Variants in TPO observed in about 807,000 individuals in gnomAD.
TPO encodes the protein thyroid peroxidase, also known as thyroid microsomal antigen.
Under a neutral mutation model 96.9 loss-of-function variants are expected in TPO, and 78 were observed. The observed-to-expected ratio is 0.81, with a 90% CI of 0.67 to 0.97. The LOEUF (loss-of-function observed/expected upper bound fraction) is 0.97, where lower values mean the gene tolerates loss of function less well. TPO is among the 50% of genes least tolerant of loss of function. The pLI is 0.00. For synonymous variants in TPO, 547 were observed against 538.0 expected, an observed-to-expected ratio of 1.02 and a Z score of -0.23; for missense variants, 1,252 against 1,274.8, an observed-to-expected ratio of 0.98 and a Z score of 0.27.
At chr2:1,513,443 C>T (rs1316655261) in intron 14 of TPO, 2 of 152,270 alleles carry the variant, frequency 1.3e-5, no homozygotes, top group African/African-American at 4.8e-5. Context: ...TCCGTCCTCA[C>T]AGTGACTCAC....
intron 7 of TPO, among the ~76,000 whole-genome samples, chr2:1,461,068 C>G (rs1668384381): frequency 6.6e-6 from 1 of 152,160 alleles, no homozygotes; most frequent in African/African-American, 2.4e-5. Flanking sequence ...GGGCCACCAT[C>G]TGGGTGGGAA....
chr2:1,524,276 A>C (rs1675904922), intron 15 of TPO, among the ~76,000 whole-genome samples: 1 of 115,134 alleles, frequency 8.7e-6, no homozygotes. Context: ...AAATCTCCTC[A>C]CAGTGAGCAA....
chr2:1,487,691 C>T (rs28911484), intron 9 of TPO, 130 bp from the exon 10 acceptor site: 48 of 1,188,278 alleles, frequency 4.0e-5, no homozygotes, highest in Non-Finnish European at 5.3e-5. Context: ...GAGCTGAGAT[C>T]GCCACTGCAC....
Position 1,494,024 on chromosome 2 carries a change from T to C in TPO, c.1991T>C (p.Leu664Pro). The C allele has an allele frequency of 6.2e-7, 1 of 1,614,128 alleles. No individual in the cohort carries two copies. The highest frequency in any genetic ancestry group is 1.1e-5 in the South Asian group (1 of 91,090). ...CTCATTGGGAAGCAGATGAAGGCTC[T>C]GCGGGACGGTGACTGGTACGTTCCT... ...ACLIGKQMKALRDGDWFWWEN... is the reference protein window; with the variant it reads ...ACLIGKQMKAPRDGDWFWWEN... The change falls in exon 11 of 17, where the codon CTG (leucine) becomes CCG (proline). Residue 664 changes from leucine (L) to proline (P), a missense_variant. Transcript: ENST00000329066.
intron 5 of TPO, among the ~76,000 whole-genome samples, chr2:1,436,829 C>T (rs1317604758): frequency 5.9e-5 from 9 of 152,206 alleles, no homozygotes; most frequent in South Asian, 2.1e-4. Context: ...GCTGCCATCA[C>T]GTGGTGGTCC....
chr2:1,477,145 G>A lies in TPO; in HGVS notation c.879G>A (p.Ser293=), dbSNP rs564290459. The change falls in exon 8 of 17, where the codon TCG becomes TCA. Residue 293 remains serine, a synonymous_variant. Transcript: ENST00000329066. ...CCTGTCTGCCCTTCTACCGCTCTTC[G>A]GCCGCCTGCGGCACCGGGGACCAAG... ...GTACLPFYRS[S]AACGTGDQGA... 1.1e-5 allele frequency: 18 copies of A among 1,609,928 alleles called. No homozygotes were observed. The highest frequency in any genetic ancestry group is 1.7e-5 in the Admixed American group (1 of 59,802).
intron 6 of TPO, among the ~76,000 whole-genome samples, 166 bp downstream of exon 6, chr2:1,453,989 G>A (rs1490001406): frequency 6.6e-6 from 1 of 152,194 alleles, no homozygotes; most frequent in Non-Finnish European, 1.5e-5. Context: ...CTGCCCTATG[G>A]CTTAGGAGCC....
chr2:1,391,929 G>T (rs1662006702), intron 1 of TPO, among the ~76,000 whole-genome samples: 1 of 152,140 alleles, frequency 6.6e-6, no homozygotes, highest in African/African-American at 2.4e-5. Flanking sequence ...AGACGATGGG[G>T]TTTTTTAAAT....
At chr2:1,390,147 C>G (rs969062106) in intron 1 of TPO, among the ~76,000 whole-genome samples, 14 of 137,344 alleles carry the variant, frequency 1.0e-4, no homozygotes, top group Non-Finnish European at 1.8e-4. Flanking sequence ...TTAGGTATTT[C>G]TCCTAATGCT....
chr2:1,535,364 G>C (rs1406569214), intron 15 of TPO, among the ~76,000 whole-genome samples: 5 of 20,796 alleles, frequency 2.4e-4, no homozygotes, highest in Admixed American at 1.6e-3. Context: ...TCCCCCCACT[G>C]TGTGCAACCT....
intron 5 of TPO, among the ~76,000 whole-genome samples, chr2:1,436,970 G>T (rs911001608): frequency 3.9e-5 from 6 of 152,122 alleles, no homozygotes; most frequent in African/African-American, 1.2e-4. Flanking sequence ...GTTCAGATCC[G>T]CCCAACAGTG....
At chr2:1,542,283 A>AGAAG in intron 16 of TPO, 138 bp from the exon 17 acceptor site, 1 of 1,196,402 alleles carries the variant, frequency 8.4e-7, no homozygotes, top group Non-Finnish European at 1.2e-6. Context: ...ATGACAAGCA[A>AGAAG]GAAGGATGGC....
In TPO at chr2:1,436,261, C is replaced by G; in HGVS notation, c.359C>G (p.Ser120Ter). The change falls in exon 5 of 17, where the codon TCA becomes TGA. Residue 120 changes from serine (S) to a stop codon, truncating the protein, a stop_gained. Transcript: ENST00000329066. LOFTEE classifies it high-confidence loss of function. ...QQSQHPTDALSEDLLSIIANM... is the reference protein window; with the variant it reads ...QQSQHPTDAL Reference sequence around the variant, plus strand: ...TTCCTATTTTTCACAGATGCTTTATCAGAAGATCTGCTGAGCATCATTGCA... The same window carrying G: ...TTCCTATTTTTCACAGATGCTTTATGAGAAGATCTGCTGAGCATCATTGCA... The G allele has an allele frequency of 6.2e-7, 1 of 1,614,204 alleles. No homozygotes were observed. Among genetic ancestry groups the G allele is most frequent in the Non-Finnish European group, 8.5e-7 (1 of 1,180,046 alleles).
At chr2:1,454,502 G>C (rs1242322242) in intron 6 of TPO, among the ~76,000 whole-genome samples, 1 of 152,158 alleles carries the variant, frequency 6.6e-6, no homozygotes, top group Non-Finnish European at 1.5e-5. Context: ...AATTTTCCTA[G>C]GCGGGCTTTT....
At chr2:1,447,139 G>A (rs1018636289) in intron 5 of TPO, among the ~76,000 whole-genome samples, 44 of 152,132 alleles carry the variant, frequency 2.9e-4, no homozygotes, top group African/African-American at 9.9e-4. Context: ...GAGGTCAGAC[G>A]TGCCTCATGA....
intron 15 of TPO, among the ~76,000 whole-genome samples, chr2:1,538,215 C>T (rs576617414): frequency 6.6e-6 from 1 of 152,040 alleles, no homozygotes; most frequent in African/African-American, 2.4e-5. Context: ...ATCTCTCCTC[C>T]CTTCTTTGCC....
intron 15 of TPO, 114 bp downstream of exon 15, chr2:1,517,096 C>T (rs753873909): frequency 1.3e-4 from 142 of 1,057,788 alleles, no homozygotes; most frequent in Non-Finnish European, 2.1e-5. Context: ...TTACTGGTAT[C>T]TCAAAGGCAT....
chr2:1,496,544 GTTTTC>G, intron 12 of TPO, 46 bp from the exon 13 acceptor site: 1 of 1,611,370 alleles, frequency 6.2e-7, no homozygotes, highest in South Asian at 1.1e-5. Context: ...TTGGTGTGTG[GTTTTC>G]TTTTCTCGTA....
At chr2:1,422,912 A>G in intron 2 of TPO, 133 bp from the exon 3 acceptor site, 1 of 898,404 alleles carries the variant, frequency 1.1e-6, no homozygotes, top group Non-Finnish European at 1.8e-6. Flanking sequence ...CGACCCCGGG[A>G]CCTGGCTGCC....
Sources: allele counts gnomAD v4.1 joint callset (sites outside exome capture counted in the v4.1 genomes callset), GRCh38; gene constraint gnomAD v4.1.1; transcripts MANE v1.5; gene names NCBI Gene and HGNC (gene_info 2026-07-23, HGNC 2026-07-21).